Variants in HCN1 observed in about 807,000 individuals in gnomAD.
The protein encoded by HCN1 is hyperpolarization activated cyclic nucleotide gated potassium channel 1.
HCN1 carries 13 observed loss-of-function variants against 78.9 expected under a neutral mutation model. The observed-to-expected ratio is 0.16, with a 90% CI of 0.11 to 0.26. The LOEUF (loss-of-function observed/expected upper bound fraction) is 0.26. Among genes scored for constraint, HCN1 ranks in the 10% least tolerant of loss-of-function variants. The pLI is 1.00. For missense variants in HCN1, 810 were observed against 1,154.3 expected (o/e 0.70, Z 4.32); for synonymous variants, 552 against 455.5 (o/e 1.21, Z -2.70).
At chr5:45,598,982 C>T (rs192368383) in intron 2 of HCN1, among the ~76,000 whole-genome samples, 182 of 152,306 alleles carry the variant, frequency 1.2e-3, no homozygotes, top group Admixed American at 2.6e-3. Context: ...TAAATTAGTT[C>T]AACCATTGTG....
At chr5:45,353,038 C>T (rs1746944260) in intron 5 of HCN1, 62 bp downstream of exon 5, 1 of 1,414,258 alleles carries the variant, frequency 7.1e-7, no homozygotes, top group East Asian at 2.3e-5. Context: ...AGAAGATTCT[C>T]CATGAAGAGA....
chr5:45,476,007 A>G (rs1401665569), intron 2 of HCN1, among the ~76,000 whole-genome samples: 2 of 152,168 alleles, frequency 1.3e-5, no homozygotes. Context: ...TACATTTTAA[A>G]TGAAAATATT....
rs13358718 is a variant in HCN1, at chr5:45,488,553, C to T, written c.850-26546G>A. Among the ~76,000 whole-genome samples the T allele has an allele frequency of 1.3e-4, 20 of 151,914 alleles. 1 individual carries two copies. The East Asian group carries it at 3.5e-3, about 26-fold the overall frequency. On this transcript the variant is annotated intron_variant, in intron 2 of 7. Coordinates refer to ENST00000303230, the MANE Select transcript of HCN1 (RefSeq NM_021072.4). ...ATATAATATTGCTTTAAAAGATATA[C>T]GGCATTTTCGTATTTTCATAAAATA...
intron 5 of HCN1, among the ~76,000 whole-genome samples, chr5:45,337,494 C>T (rs946741289): frequency 6.6e-6 from 1 of 152,118 alleles, no homozygotes; most frequent in African/African-American, 2.4e-5. Context: ...TGTCTCTAAG[C>T]TTTAACACTC....
At chr5:45,421,885 C>T (rs1256296732) in intron 3 of HCN1, among the ~76,000 whole-genome samples, 3 of 152,122 alleles carry the variant, frequency 2.0e-5, no homozygotes, top group Non-Finnish European at 4.4e-5. Flanking sequence ...GATTTTCTCC[C>T]CTACTTTTTA....
intron 2 of HCN1, among the ~76,000 whole-genome samples, chr5:45,578,921 A>C (rs1166079444): frequency 6.6e-6 from 1 of 152,086 alleles, no homozygotes; most frequent in Non-Finnish European, 1.5e-5. Flanking sequence ...TATGTCTACT[A>C]TACTGGCTTT....
chr5:45,610,811 A>G (rs1744817873), intron 2 of HCN1, among the ~76,000 whole-genome samples: 1 of 151,828 alleles, frequency 6.6e-6, no homozygotes, highest in Non-Finnish European at 1.5e-5. Context: ...TTCTGCATAA[A>G]TAAAAGGCAT....
At chr5:45,615,032 T>C (rs2111985139) in intron 2 of HCN1, among the ~76,000 whole-genome samples, 1 of 150,556 alleles carries the variant, frequency 6.6e-6, no homozygotes, top group East Asian at 1.9e-4. Context: ...AAGCTGGAAA[T>C]TGTCTCTATA....
intron 4 of HCN1, among the ~76,000 whole-genome samples, chr5:45,396,161 GTTTAT>G (rs1220512349): frequency 2.0e-5 from 3 of 152,024 alleles, no homozygotes; most frequent in African/African-American, 4.8e-5. Context: ...CGAGAGAAGG[GTTTAT>G]TTTAACTATT....
chr5:45,637,438 C>T lies in HCN1; in HGVS notation c.849+7747G>A, dbSNP rs1396236084. Among the ~76,000 whole-genome samples, 3 of 151,704 alleles carry T rather than the reference C, an allele frequency of 2.0e-5. No homozygotes were observed. The East Asian group carries it at 5.8e-4, about 29-fold the overall frequency. ...CTTTAGAGCCCAGTTATTTCCCCGA[C>T]ACTATGCTAGGAACTGAAGATGCAG... On this transcript the variant is annotated intron_variant, in intron 2 of 7. Transcript: ENST00000303230.
chr5:45,596,001 C>T (rs1744486468), intron 2 of HCN1, among the ~76,000 whole-genome samples: 2 of 151,718 alleles, frequency 1.3e-5, no homozygotes, highest in African/African-American at 2.4e-5. Flanking sequence ...GACATTCTCC[C>T]GCCCCCGCCT....
At chr5:45,495,604 A>C (rs955054131) in intron 2 of HCN1, among the ~76,000 whole-genome samples, 274 of 152,118 alleles carry the variant, frequency 1.8e-3, no homozygotes, top group African/African-American at 6.4e-3. Context: ...CCTTCTCCTA[A>C]CTGATTGCCC....
At chr5:45,617,701 GT>G (rs1744981259) in intron 2 of HCN1, among the ~76,000 whole-genome samples, 1 of 152,000 alleles carries the variant, frequency 6.6e-6, no homozygotes, top group Non-Finnish European at 1.5e-5. Flanking sequence ...TTTTGTGAAG[GT>G]TACTTGAGAA....
At chr5:45,506,380 T>C (rs1242672449) in intron 2 of HCN1, among the ~76,000 whole-genome samples, 1 of 152,076 alleles carries the variant, frequency 6.6e-6, no homozygotes, top group African/African-American at 2.4e-5. Flanking sequence ...ATTTAGAAAA[T>C]AAAATCCACC....
chr5:45,355,809 G>T (rs1193651524), intron 4 of HCN1, among the ~76,000 whole-genome samples: 2 of 151,950 alleles, frequency 1.3e-5, no homozygotes, highest in Admixed American at 1.3e-4. Context: ...AGAAAAACAT[G>T]ATTAGAAAAT....
chr5:45,399,376 C>T (rs1739749573), intron 3 of HCN1, among the ~76,000 whole-genome samples: 2 of 152,214 alleles, frequency 1.3e-5, no homozygotes, highest in South Asian at 4.1e-4. Context: ...ACCCTGTTGT[C>T]CTAGTGGACT....
In HCN1 at chr5:45,585,779, C is replaced by T. The variant is rs573334089; in HGVS notation, c.849+59406G>A. On this transcript the variant is annotated intron_variant, in intron 2 of 7. Transcript: ENST00000303230. ...TCAGCTGCAGGTCTGCTGGAGTTTG[C>T]TGGAGGTCCACTCCAGACCCTGTTT... Among the ~76,000 whole-genome samples, 6 of 152,272 alleles carry T rather than the reference C, an allele frequency of 3.9e-5. No individual in the cohort carries two copies. The East Asian group carries it at 9.7e-4, about 25-fold the overall frequency.
In HCN1 at chr5:45,680,588, A is replaced by G. The variant is rs535857920; in HGVS notation, c.425+15081T>C. Among the ~76,000 whole-genome samples the G allele has an allele frequency of 9.9e-5, 15 of 152,268 alleles. No homozygotes were observed. The South Asian group carries it at 2.9e-3, about 29-fold the overall frequency. ...GGATATTTTCCCTGCATAAAGTTGC[A>G]TTAAGTTTTTTTGCCTCAGTATTAT... is the stretch of plus-strand genomic sequence containing the variant. On this transcript the variant is annotated intron_variant, in intron 1 of 7. Transcript: ENST00000303230.
chr5:45,568,021 C>CATAA (rs1390547809), intron 2 of HCN1, among the ~76,000 whole-genome samples: 8 of 151,900 alleles, frequency 5.3e-5, no homozygotes. Flanking sequence ...TTAGTAAAGA[C>CATAA]ATAAAACAGG....
Sources: gnomAD v4.1 joint callset for allele counts (sites outside exome capture counted in the v4.1 genomes callset) on GRCh38, gnomAD v4.1.1 for gene constraint, MANE v1.5 for transcripts, NCBI Gene and HGNC (gene_info 2026-07-23, HGNC 2026-07-21) for gene names.